The following PSAP variants were observed in gnomAD, a reference collection of about 807,000 sequenced individuals.
PSAP encodes the protein precursor of saposins.
Under a neutral mutation model 66.0 loss-of-function variants are expected in PSAP, and 25 were observed. The observed-to-expected ratio is 0.38, with a 90% CI of 0.28 to 0.53. PSAP has a LOEUF of 0.53. PSAP is among the 20% of genes least tolerant of loss of function. The pLI is 0.83. For synonymous variants in PSAP, 273 were observed against 258.9 expected (o/e 1.05, Z -0.52); for missense variants, 649 against 668.8 (o/e 0.97, Z 0.33).
intron 1 of PSAP, among the ~76,000 whole-genome samples, chr10:71,844,255 G>C (rs767353038): frequency 1.3e-5 from 2 of 152,226 alleles, no homozygotes; most frequent in Non-Finnish European, 2.9e-5. Flanking sequence ...TCTGCTCTTA[G>C]ACATATGCCC....
chr10:71,819,837 A>G lies in PSAP; in HGVS notation c.1069T>C (p.Cys357Arg). Reference protein sequence around the residue: ...SKLPKSLSEECQEVVDTYGSS... With the variant: ...SKLPKSLSEERQEVVDTYGSS... Reference sequence around the variant, plus strand: ...CCGTACGTGTCCACCACCTCCTGGCACTCTTCCGACAGGGACTTCGGCAGC... The same window carrying G: ...CCGTACGTGTCCACCACCTCCTGGCGCTCTTCCGACAGGGACTTCGGCAGC... The change falls in exon 10 of 14, where the codon TGC (cysteine) becomes CGC (arginine). Residue 357 changes from cysteine (C) to arginine (R), a missense_variant. Coordinates refer to ENST00000394936, the MANE Select transcript of PSAP (RefSeq NM_002778.4). The G allele has an allele frequency of 6.2e-7, 1 of 1,613,874 alleles. No homozygotes were observed. Among genetic ancestry groups the G allele is most frequent in the African/African-American group, 1.3e-5 (1 of 74,966 alleles).
At position 71,828,799 on chromosome 10, in the gene PSAP, G is replaced by A. The variant is rs2290023; in HGVS notation, c.576+78C>T. ...ATAAGCCCCAGTTTAAGAACCACAC[G>A]TGCCCTCTCTGTCCCTTTGGTCTCT... is the stretch of plus-strand genomic sequence containing the variant. On this transcript the variant is annotated intron_variant, in intron 5 of 13. Coordinates refer to ENST00000394936, the MANE Select transcript of PSAP (RefSeq NM_002778.4). The A allele has an allele frequency of 3.3e-4, 505 of 1,510,142 alleles. 7 individuals carry two copies. The East Asian group carries it at 9.9e-3, about 30-fold the overall frequency. 93.5% of individuals were successfully genotyped at this position (1,510,142 alleles called of 1,614,324 possible). A position where few individuals can be genotyped will look rare whatever the true frequency, so the allele number is the denominator to read the frequency against.
intron 1 of PSAP, among the ~76,000 whole-genome samples, chr10:71,841,154 C>T (rs1842727047): frequency 6.6e-6 from 1 of 152,226 alleles, no homozygotes; most frequent in Admixed American, 6.5e-5. Flanking sequence ...TCCCCATCCT[C>T]GAGAAAGCTC....
chr10:71,822,098 C>T, intron 7 of PSAP, 91 bp from the exon 8 acceptor site: 4 of 1,583,772 alleles, frequency 2.5e-6, no homozygotes, highest in Non-Finnish European at 3.5e-6. Flanking sequence ...AGCTGGACAG[C>T]ACCCTGGGCC....
chr10:71,836,436 C>A (rs1842630071), intron 1 of PSAP, among the ~76,000 whole-genome samples: 1 of 152,046 alleles, frequency 6.6e-6, no homozygotes, highest in African/African-American at 2.4e-5. Context: ...AAATAGGAAC[C>A]CCAGACCTGA....
chr10:71,828,250 C>G, intron 5 of PSAP, 93 bp from the exon 6 acceptor site: 2 of 1,355,960 alleles, frequency 1.5e-6, no homozygotes, highest in Non-Finnish European at 2.1e-6. Context: ...TTAGGGGGCA[C>G]TTGCTGACCA....
At chr10:71,822,459 G>A (rs747131102) in intron 7 of PSAP, among the ~76,000 whole-genome samples, 6 of 152,118 alleles carry the variant, frequency 3.9e-5, no homozygotes, top group African/African-American at 1.2e-4. Context: ...ATTTTTCAGC[G>A]GCAGGACCAT....
chr10:71,831,211 A>C lies in PSAP; in HGVS notation c.290T>G (p.Leu97Arg), dbSNP rs1396184803. The change falls in exon 4 of 14, where the codon CTT (leucine) becomes CGT (arginine). Residue 97 changes from leucine to arginine, a missense_variant. Physicochemically the swap from Leu to Arg is moderately radical, Grantham distance 102. Coordinates refer to ENST00000394936, the MANE Select transcript of PSAP (RefSeq NM_002778.4). The stretch of plus-strand genomic sequence containing the variant: ...TGAAGCAGACATGTTCGGTTTCGGA[A>C]GCCAGTCACAGGTCTTCTCCAAGTA... ...LVYLEKTCDW[L>R]PKPNMSASCK... 1 of 1,614,100 alleles carries C rather than the reference A, an allele frequency of 6.2e-7. No individual in the cohort carries two copies. Among genetic ancestry groups the C allele is most frequent in the South Asian group, 1.1e-5 (1 of 91,084 alleles).
At chr10:71,838,541 C>A (rs549540086) in intron 1 of PSAP, among the ~76,000 whole-genome samples, 1 of 152,326 alleles carries the variant, frequency 6.6e-6, no homozygotes, top group South Asian at 2.1e-4. Flanking sequence ...TGCAAGGAAG[C>A]AGACCACAGC....
At position 71,816,307 on chromosome 10, in the gene PSAP, C is replaced by T. The variant is rs1318010733; in HGVS notation, c.*1134G>A. ...AAACATTAGGCCCAGATCTGGCTAA[C>T]AGAATTTTATTGTTAAATCACAGAA... is the stretch of plus-strand genomic sequence containing the variant. On this transcript the variant is annotated 3_prime_UTR_variant, in exon 14 of 14. Transcript: ENST00000394936. 1.3e-5 allele frequency: 6 copies of T among 455,574 alleles called. No individual in the cohort carries two copies. In the Admixed American group the frequency reaches 1.4e-4, roughly 11 times the overall value. 28.2% of individuals were successfully genotyped at this position (455,574 alleles called of 1,614,324 possible).
intron 7 of PSAP, chr10:71,823,743 A>G (rs1842347900): frequency 1.9e-6 from 1 of 518,434 alleles, no homozygotes; most frequent in Non-Finnish European, 3.2e-6. Context: ...AGCCCTCCCC[A>G]GCCTATTAAC....
chr10:71,846,731 C>CAA (rs56323015), intron 1 of PSAP, among the ~76,000 whole-genome samples: 14 of 49,682 alleles, frequency 2.8e-4, no homozygotes, highest in Admixed American at 4.8e-4. Context: ...GACCCTGTCT[C>CAA]AAAAAAAAAA....
At chr10:71,827,415 AAAGAAAAG>A (rs1229068494) in intron 6 of PSAP, among the ~76,000 whole-genome samples, 1 of 127,954 alleles carries the variant, frequency 7.8e-6, no homozygotes, top group African/African-American at 2.8e-5. Context: ...GAAAAAAAAA[AAAGAAAAG>A]AAAAGAAAAA....
chr10:71,826,133 G>T (rs1461860248), intron 6 of PSAP, among the ~76,000 whole-genome samples: 2 of 152,170 alleles, frequency 1.3e-5, no homozygotes, highest in African/African-American at 4.8e-5. Flanking sequence ...TTTCTTAAGG[G>T]ACCTTAAAGA....
At chr10:71,849,557 C>A (rs1056253980) in intron 1 of PSAP, among the ~76,000 whole-genome samples, 2 of 151,962 alleles carry the variant, frequency 1.3e-5, no homozygotes, top group Admixed American at 6.5e-5. Context: ...GCCGAGACTA[C>A]GCCATTGCAC....
intron 2 of PSAP, 127 bp downstream of exon 2, chr10:71,834,245 G>A: frequency 6.8e-7 from 1 of 1,459,870 alleles, no homozygotes; most frequent in East Asian, 2.3e-5. Flanking sequence ...CCCACACAGA[G>A]TCACAGTGAG....
At chr10:71,845,329 C>T (rs1842801821) in intron 1 of PSAP, among the ~76,000 whole-genome samples, 1 of 152,150 alleles carries the variant, frequency 6.6e-6, no homozygotes, top group Non-Finnish European at 1.5e-5. Context: ...AGGAAGGTGG[C>T]TCTCTACGGG....
chr10:71,827,727 A>C (rs773842785), intron 6 of PSAP, among the ~76,000 whole-genome samples: 123 of 136,476 alleles, frequency 9.0e-4, no homozygotes, highest in Non-Finnish European at 1.5e-3. Context: ...ACTCAGTCTC[A>C]AAAAAAAAAA....
At position 71,839,583 on chromosome 10, in the gene PSAP, G is replaced by A. The variant is rs1428098756; in HGVS notation, c.41-5078C>T. ...AGACATAGATTTCAGGGCCATGTGC[G>A]GTGGCTCATGCCTGTAACCCCAGTA... On this transcript the variant is annotated intron_variant, in intron 1 of 13. Transcript: ENST00000394936. Among the ~76,000 whole-genome samples the A allele has an allele frequency of 7.2e-5, 11 of 152,158 alleles. 1 individual carries two copies.
Sources: gnomAD v4.1 joint callset for allele counts (sites outside exome capture counted in the v4.1 genomes callset) on GRCh38, gnomAD v4.1.1 for gene constraint, MANE v1.5 for transcripts, NCBI Gene and HGNC (gene_info 2026-07-23, HGNC 2026-07-21) for gene names.